PRKCZ: variants seen among roughly 807,000 people sequenced by gnomAD.
PRKCZ encodes protein kinase C zeta type.
Under a neutral mutation model 79.5 loss-of-function variants are expected in PRKCZ, and 33 were observed. The observed-to-expected ratio is 0.41, with a 90% CI of 0.31 to 0.55. The LOEUF (loss-of-function observed/expected upper bound fraction) is 0.55. PRKCZ is among the 20% of genes least tolerant of loss of function. The pLI is 0.19. For missense variants in PRKCZ, 578 were observed against 813.5 expected (o/e 0.71, Z 3.52); for synonymous variants, 342 against 320.9 (o/e 1.07, Z -0.70).
At chr1:2,162,601 C>T (rs898415056) in intron 10 of PRKCZ, among the ~76,000 whole-genome samples, 5 of 152,074 alleles carry the variant, frequency 3.3e-5, no homozygotes, top group African/African-American at 1.2e-4. Flanking sequence ...TCTTCACTTC[C>T]TTGTCTAATT....
intron 3 of PRKCZ, among the ~76,000 whole-genome samples, chr1:2,058,595 C>T (rs188949940): frequency 1.3e-5 from 2 of 152,152 alleles, no homozygotes; most frequent in African/African-American, 4.8e-5. Flanking sequence ...ACATTGTTTT[C>T]TAGATAAAAG....
rs563061805 is a variant in PRKCZ at position 2,087,297 on chromosome 1, G to T, written c.334+27706G>T. ...GGGGTGTCACCATGTTGGCCAGGCTGGTCTCGAACTCCTGACCTCAAGGGA... is the reference window on the plus strand; with the variant it reads ...GGGGTGTCACCATGTTGGCCAGGCTTGTCTCGAACTCCTGACCTCAAGGGA... On this transcript the variant is annotated intron_variant, in intron 4 of 17. Coordinates refer to ENST00000378567, the MANE Select transcript of PRKCZ (RefSeq NM_002744.6). 2.6e-5 allele frequency among the ~76,000 whole-genome samples: 4 copies of T among 152,216 alleles called. No homozygotes were observed. The South Asian group carries it at 8.3e-4, about 32-fold the overall frequency.
chr1:2,176,938 A>G (rs1046749262), intron 16 of PRKCZ, among the ~76,000 whole-genome samples: 1 of 152,240 alleles, frequency 6.6e-6, no homozygotes, highest in Non-Finnish European at 1.5e-5. Flanking sequence ...AGATGCACAC[A>G]CTTAGAAATG....
chr1:2,144,205 T>C lies in PRKCZ; in HGVS notation c.421-5T>C, dbSNP rs1340899665. On this transcript the variant is annotated splice_region_variant and splice_polypyrimidine_tract_variant and intron_variant, in intron 5 of 17. Coordinates refer to ENST00000378567, the MANE Select transcript of PRKCZ (RefSeq NM_002744.6). ...CTGGGCCTGACGCTCTGTTCCCACC[T>C]GCAGAGAGCGTACTGCGGTCAGTGC... 13 of 1,551,540 alleles carry C rather than the reference T, an allele frequency of 8.4e-6. No individual in the cohort carries two copies. The highest frequency in any genetic ancestry group is 1.0e-5 in the Non-Finnish European group (12 of 1,146,974).
intron 4 of PRKCZ, among the ~76,000 whole-genome samples, chr1:2,119,281 T>G (rs1671383661): frequency 6.6e-6 from 1 of 151,170 alleles, no homozygotes; most frequent in South Asian, 2.1e-4. Flanking sequence ...AGGGCGCGAT[T>G]TTGGCTCACT....
At chr1:2,155,265 A>AT (rs1478124124) in intron 9 of PRKCZ, among the ~76,000 whole-genome samples, 1 of 148,348 alleles carries the variant, frequency 6.7e-6, no homozygotes, top group Non-Finnish European at 1.5e-5. Flanking sequence ...GACATTGAGG[A>AT]TGACGGTGGT....
rs1039207395 is a variant in PRKCZ, at chr1:2,094,064, G to C, written c.334+34473G>C. ...CCAGCCCACTTTGGGTGACCCTCCT[G>C]TTTGTCCTGTCCTAGCGCAGCCACA... On this transcript the variant is annotated intron_variant, in intron 4 of 17. Coordinates refer to ENST00000378567, the MANE Select transcript of PRKCZ (RefSeq NM_002744.6). The surrounding 1 kb of genome is among the most constrained non-coding windows in gnomAD (Gnocchi z 7.3). Among the ~76,000 whole-genome samples the C allele has an allele frequency of 6.6e-6, 1 of 152,168 alleles. No homozygotes were observed. Among genetic ancestry groups the C allele is most frequent in the African/African-American group, 2.4e-5 (1 of 41,406 alleles).
chr1:2,178,684 C>T lies in PRKCZ; in HGVS notation c.1575+3371C>T, dbSNP rs1341590917. On this transcript the variant is annotated intron_variant, in intron 16 of 17. Coordinates refer to ENST00000378567, the MANE Select transcript of PRKCZ (RefSeq NM_002744.6). The surrounding 1 kb of genome is among the most constrained non-coding windows in gnomAD (Gnocchi z 4.3). ...TTTCTGGTCCCTTTGGGGGCCCCCTCAGTCTGTGCTGGACTTAGTTCCATG... is the reference window on the plus strand; with the variant it reads ...TTTCTGGTCCCTTTGGGGGCCCCCTTAGTCTGTGCTGGACTTAGTTCCATG... 6.6e-6 allele frequency among the ~76,000 whole-genome samples: 1 copy of T among 152,216 alleles called. No individual in the cohort carries two copies. The highest frequency in any genetic ancestry group is 2.4e-5 in the African/African-American group (1 of 41,454).
intron 3 of PRKCZ, among the ~76,000 whole-genome samples, chr1:2,059,277 A>G (rs1660454763): frequency 6.6e-6 from 1 of 152,260 alleles, no homozygotes; most frequent in Non-Finnish European, 1.5e-5. Flanking sequence ...AATACAAATC[A>G]GTAGCTTCCT....
chr1:2,172,397 C>T lies in PRKCZ; in HGVS notation c.1285+9C>T, dbSNP rs201778648. ...GCGGGGAGAGGAGTACGGTGAGTGC[C>T]GCTGCCCTGGCCCCTCTCGGAGCAC... On this transcript the variant is annotated intron_variant, in intron 13 of 17. Transcript: ENST00000378567. The surrounding 1 kb of genome is among the most constrained non-coding windows in gnomAD (Gnocchi z 7.8). The T allele has an allele frequency of 1.8e-4, 287 of 1,609,806 alleles. 1 individual carries two copies. In the East Asian group the frequency reaches 4.0e-3, roughly 22 times the overall value.
intron 5 of PRKCZ, chr1:2,142,256 C>G (rs1188364999): frequency 3.3e-6 from 1 of 300,480 alleles, no homozygotes; most frequent in African/African-American, 2.4e-5. Flanking sequence ...GAAGCGCCTC[C>G]TTTCAATCCA....
At chr1:2,121,933 T>C (rs867632219) in intron 4 of PRKCZ, among the ~76,000 whole-genome samples, 2 of 129,922 alleles carry the variant, frequency 1.5e-5, no homozygotes, top group African/African-American at 2.7e-5. Flanking sequence ...GTTAGCGTCA[T>C]GGTGGTGGTT....
intron 9 of PRKCZ, among the ~76,000 whole-genome samples, chr1:2,152,040 G>A (rs1021650073): frequency 3.9e-5 from 6 of 152,028 alleles, no homozygotes; most frequent in South Asian, 2.1e-4. Flanking sequence ...TTGTAGAGAC[G>A]GGGTTCCACT....
intron 9 of PRKCZ, among the ~76,000 whole-genome samples, chr1:2,151,518 C>T (rs987000825): frequency 2.6e-5 from 4 of 152,224 alleles, no homozygotes; most frequent in African/African-American, 9.6e-5. Flanking sequence ...CAGGAAGCTG[C>T]CCAGAGGCAC....
chr1:2,181,440 G>A (rs1324365402), intron 16 of PRKCZ, among the ~76,000 whole-genome samples: 5 of 152,224 alleles, frequency 3.3e-5, no homozygotes, highest in South Asian at 2.1e-4. Context: ...CACAGCGTCC[G>A]ACCTGGGGCC....
intron 4 of PRKCZ, among the ~76,000 whole-genome samples, chr1:2,124,274 G>A (rs61776560): frequency 8.4e-6 from 1 of 118,432 alleles, no homozygotes; most frequent in Non-Finnish European, 1.9e-5. Context: ...GGTAGTTAGG[G>A]TCACGGCTGT....
In PRKCZ at chr1:2,094,682, T is replaced by G. The variant is rs1666139093; in HGVS notation, c.334+35091T>G. The stretch of plus-strand genomic sequence containing the variant: ...GTTGAACCTTGGGCGCTGCCCGTTC[T>G]GAGGCGCCCGCTGTGCCCGGCTCGT... On this transcript the variant is annotated intron_variant, in intron 4 of 17. Coordinates refer to ENST00000378567, the MANE Select transcript of PRKCZ (RefSeq NM_002744.6). This position sits in a 1 kb window ranked among gnomAD's most constrained non-coding sequence, Gnocchi z 7.3. Among the ~76,000 whole-genome samples, 1 of 146,348 alleles carries G rather than the reference T, an allele frequency of 6.8e-6. No individual in the cohort carries two copies. The highest frequency in any genetic ancestry group is 1.5e-5 in the Non-Finnish European group (1 of 66,580).
At chr1:2,184,064 A>G (rs572916740) in intron 16 of PRKCZ, 88 of 154,148 alleles carry the variant, frequency 5.7e-4, no homozygotes, top group Middle Eastern at 3.1e-3. Flanking sequence ...ACCGAGTCCC[A>G]GGCCCGCCTG....
At chr1:2,150,090 A>G (rs1571839691) in intron 8 of PRKCZ, among the ~76,000 whole-genome samples, 1 of 132,470 alleles carries the variant, frequency 7.5e-6, no homozygotes, top group South Asian at 2.5e-4. Context: ...TGAACCCGGG[A>G]GGTGGAGCTT....
Sources: allele counts gnomAD v4.1 joint callset (sites outside exome capture counted in the v4.1 genomes callset), GRCh38; gene constraint gnomAD v4.1.1; non-coding constraint Gnocchi (gnomAD v3.1); transcripts MANE v1.5; gene names NCBI Gene and HGNC (gene_info 2026-07-23, HGNC 2026-07-21).